PCNX2: variants seen among roughly 807,000 people sequenced by gnomAD.
The protein encoded by PCNX2 is pecanex-like protein 2.
PCNX2 carries 168 observed loss-of-function variants against 223.8 expected under a neutral mutation model. The ratio of observed to expected loss-of-function variants is 0.75; its 90% CI spans 0.66 to 0.85. The LOEUF is 0.85. Ranked by LOEUF, PCNX2 falls within the 40% of genes least tolerant of loss-of-function variation. The pLI is 0.00. For missense variants in PCNX2, 2,507 were observed against 2,675.5 expected (o/e 0.94, Z 1.39); for synonymous variants, 1,006 against 1,052.6 (o/e 0.96, Z 0.86).
intron 32 of PCNX2, among the ~76,000 whole-genome samples, chr1:232,994,668 C>CA (rs896762243): frequency 1.3e-5 from 2 of 151,754 alleles, no homozygotes; most frequent in African/African-American, 2.4e-5. Context: ...TATCCCCACC[C>CA]AAAAAAAATC....
chr1:233,299,475 G>A (rs1296054336), upstream of PCNX2, among the ~76,000 whole-genome samples: 1 of 152,192 alleles, frequency 6.6e-6, no homozygotes, highest in East Asian at 1.9e-4. Flanking sequence ...TGAGAAAGCT[G>A]AAAAAGCAAA....
In PCNX2 at chr1:233,289,173, A is replaced by G. The variant is rs111662283; in HGVS notation, c.153+6153T>C. 0.013 allele frequency: 10,751 copies of G among 832,594 alleles called. 712 individuals are homozygous for G. In the African/African-American group the frequency reaches 0.15, roughly 12 times the overall value. 51.6% of individuals were successfully genotyped at this position (832,594 alleles called of 1,614,324 possible). ...GATTCTCCTTTAAGCGATAAAGACA[A>G]CATGCTTCCCACTGAACTTTTTCTC... On this transcript the variant is annotated intron_variant, in intron 1 of 33. Transcript: ENST00000258229.
At chr1:233,213,642 T>C (rs1333455241) in intron 12 of PCNX2, among the ~76,000 whole-genome samples, 2 of 152,132 alleles carry the variant, frequency 1.3e-5, no homozygotes, top group African/African-American at 4.8e-5. Context: ...CCCTGAATAG[T>C]AGCAACAGTT....
Position 233,258,000 on chromosome 1 carries a change from T to A in PCNX2, c.1834+28A>T, listed in dbSNP as rs184442691. On this transcript the variant is annotated intron_variant, in intron 5 of 33. Transcript: ENST00000258229. ...AGGTGTATTGCCTTCTATGTCATCA[T>A]CAGAACGGAAATGACATGGAATCGC... 2.4e-4 allele frequency: 386 copies of A among 1,597,394 alleles called. 2 individuals are homozygous for A. The highest frequency in any genetic ancestry group is 1.0e-4 in the Non-Finnish European group (119 of 1,169,310).
Position 233,252,757 on chromosome 1 carries a change from G to A in PCNX2, c.1866C>T (p.Ile622=), listed in dbSNP as rs755245305. 1.2e-6 allele frequency: 2 copies of A among 1,611,758 alleles called. No homozygotes were observed. Among genetic ancestry groups the A allele is most frequent in the South Asian group, 1.1e-5 (1 of 90,452 alleles). ...DNCSQEKKEE[I]LENEKPSGHS... The stretch of plus-strand genomic sequence containing the variant: ...GTCCACTGGGCTTTTCATTTTCCAG[G>A]ATTTCCTCCTTTTTTTCCTGGGAAC... Residue 622 remains isoleucine, a synonymous_variant, in exon 6 of 34, where the codon ATC becomes ATT. Transcript: ENST00000258229.
intron 1 of PCNX2, among the ~76,000 whole-genome samples, chr1:233,293,800 A>G (rs927812387): frequency 3.9e-5 from 6 of 152,314 alleles, no homozygotes; most frequent in African/African-American, 1.4e-4. Context: ...ACAAACAAGG[A>G]AGGTGAAGCT....
intron 25 of PCNX2, among the ~76,000 whole-genome samples, chr1:233,044,588 A>C (rs1671760741): frequency 7.2e-6 from 1 of 137,944 alleles, no homozygotes; most frequent in Admixed American, 6.8e-5. Flanking sequence ...TCTTACGTTA[A>C]CAAGAAAATA....
chr1:233,153,978 T>G (rs1203199390), intron 19 of PCNX2, among the ~76,000 whole-genome samples: 1 of 152,224 alleles, frequency 6.6e-6, no homozygotes, highest in Non-Finnish European at 1.5e-5. Flanking sequence ...AAATCTCATT[T>G]AAGAATTGCA....
At chr1:233,175,103 G>A (rs1679402069) in intron 17 of PCNX2, among the ~76,000 whole-genome samples, 2 of 151,940 alleles carry the variant, frequency 1.3e-5, no homozygotes, top group South Asian at 2.1e-4. Context: ...CAAGAAGAGA[G>A]ACAGACAGAC....
intron 1 of PCNX2, among the ~76,000 whole-genome samples, chr1:233,264,177 C>T (rs57274764): frequency 0.072 from 10,975 of 152,206 alleles, 1,319 homozygotes; most frequent in African/African-American, 0.25. Flanking sequence ...CATATACCTT[C>T]CTAATTCTCT....
chr1:233,310,024 G>A, the PCNX2 span, among the ~76,000 whole-genome samples: 1 of 152,110 alleles, frequency 6.6e-6, no homozygotes, highest in Non-Finnish European at 1.5e-5. Context: ...TAATTGATAT[G>A]TGTATGTCAA....
At chr1:233,200,538 T>C (rs1410275492) in intron 13 of PCNX2, among the ~76,000 whole-genome samples, 1 of 151,952 alleles carries the variant, frequency 6.6e-6, no homozygotes, top group African/African-American at 2.4e-5. Flanking sequence ...GAAATGTGTC[T>C]GTGGATACAA....
intron 21 of PCNX2, among the ~76,000 whole-genome samples, chr1:233,107,212 C>T (rs918487734): frequency 6.6e-6 from 1 of 150,406 alleles, no homozygotes. Flanking sequence ...CACACACACA[C>T]AAAACCATGC....
At chr1:233,200,367 G>A in intron 13 of PCNX2, 103 bp from the exon 14 acceptor site, 2 of 536,786 alleles carry the variant, frequency 3.7e-6, no homozygotes, top group Non-Finnish European at 3.2e-6. Context: ...CCCCACCCAG[G>A]AATACTGGAG....
At chr1:233,025,083 T>C (rs559674381) in intron 26 of PCNX2, 63 bp downstream of exon 26, 4 of 1,587,986 alleles carry the variant, frequency 2.5e-6, no homozygotes, top group African/African-American at 2.7e-5. Flanking sequence ...GACAGAGCTC[T>C]TTCGGAGCTT....
At chr1:233,163,367 G>T (rs1678609115) in intron 17 of PCNX2, among the ~76,000 whole-genome samples, 1 of 151,634 alleles carries the variant, frequency 6.6e-6, no homozygotes, top group Non-Finnish European at 1.5e-5. Flanking sequence ...CACACCTGTG[G>T]TCCCAGCTAC....
chr1:233,074,731 GA>G (rs1210949715), intron 23 of PCNX2, among the ~76,000 whole-genome samples: 2 of 149,442 alleles, frequency 1.3e-5, no homozygotes, highest in South Asian at 2.1e-4. Flanking sequence ...TTCAACAGTA[GA>G]AAAAAAGTCC....
At chr1:233,285,974 C>G (rs989570456) in intron 1 of PCNX2, among the ~76,000 whole-genome samples, 1 of 152,172 alleles carries the variant, frequency 6.6e-6, no homozygotes, top group Non-Finnish European at 1.5e-5. Context: ...AATGATTACA[C>G]ATTTGTATAA....
At chr1:233,302,850 T>TC in the PCNX2 span, among the ~76,000 whole-genome samples, 1 of 152,162 alleles carries the variant, frequency 6.6e-6, no homozygotes, top group African/African-American at 2.4e-5. Flanking sequence ...ATAATCTATA[T>TC]CCTCATTTAA....
Sources: gnomAD v4.1 joint callset for allele counts (sites outside exome capture counted in the v4.1 genomes callset) on GRCh38, gnomAD v4.1.1 for gene constraint, MANE v1.5 for transcripts, NCBI Gene and HGNC (gene_info 2026-07-23, HGNC 2026-07-21) for gene names.